The following CUL4A variants were observed in gnomAD, a reference collection of about 807,000 sequenced individuals.
CUL4A encodes the protein cullin 4A, also known as cullin-4A.
CUL4A carries 16 observed loss-of-function variants against 95.5 expected under a neutral mutation model. The ratio of observed to expected loss-of-function variants is 0.17; its 90% CI spans 0.11 to 0.25. The LOEUF (loss-of-function observed/expected upper bound fraction) is 0.25, where lower values mean the gene tolerates loss of function less well. CUL4A is among the 10% of genes least tolerant of loss of function. The pLI is 1.00. For synonymous variants in CUL4A, 380 were observed against 353.1 expected, an observed-to-expected ratio of 1.08 and a Z score of -0.85; for missense variants, 610 against 937.0, an observed-to-expected ratio of 0.65 and a Z score of 4.56.
rs2042382915 is a variant in CUL4A, at chr13:113,265,508, C to G, written c.*1926C>G. 6.6e-6 allele frequency: 1 copy of G among 152,476 alleles called. No individual in the cohort carries two copies. Among genetic ancestry groups the G allele is most frequent in the South Asian group, 2.1e-4 (1 of 4,836 alleles). 9.4% of individuals were successfully genotyped at this position (152,476 alleles called of 1,614,324 possible). On this transcript the variant is annotated 3_prime_UTR_variant, in exon 20 of 20. Coordinates refer to ENST00000375440, the MANE Select transcript of CUL4A (RefSeq NM_001008895.4). ...GTTCAAGCAGTTCTCCCACCTCAGT[C>G]TCCCAAGTAGCTGGGATTACAGGCA...
chr13:113,228,058 A>G lies in CUL4A; in HGVS notation c.438+13A>G. On this transcript the variant is annotated intron_variant, in intron 4 of 19. Transcript: ENST00000375440. Reference sequence around the variant, plus strand: ...CTGCAGACAAATGGTAAGCTTGTTCACTTTTTCATCAAAACACGACCTCAT... The same window carrying G: ...CTGCAGACAAATGGTAAGCTTGTTCGCTTTTTCATCAAAACACGACCTCAT... The G allele has an allele frequency of 1.9e-6, 3 of 1,605,390 alleles. No individual in the cohort carries two copies. The highest frequency in any genetic ancestry group is 2.6e-6 in the Non-Finnish European group (3 of 1,172,308).
chr13:113,255,207 G>C lies in CUL4A; in HGVS notation c.2031+82G>C, dbSNP rs2042090588. ...TTTGTAGTAATGTTTTTGGCTGTTA[G>C]AGGCCTGAAGCACATTTCTACAATA... On this transcript the variant is annotated intron_variant, in intron 18 of 19. Transcript: ENST00000375440. The C allele has an allele frequency of 4.1e-6, 4 of 986,144 alleles. No individual in the cohort carries two copies. The East Asian group carries it at 9.9e-5, about 24-fold the overall frequency. The allele number at this position is 986,144 out of a possible 1,614,324, so 61.1% of individuals were successfully genotyped here.
intron 3 of CUL4A, 24 bp from the exon 4 acceptor site, chr13:113,227,952 A>G (rs1395919071): frequency 6.7e-7 from 1 of 1,495,584 alleles, no homozygotes; most frequent in Admixed American, 1.9e-5. Flanking sequence ...AGCATTTTTA[A>G]AGTTTTCCTT....
rs1176782179 is a variant in CUL4A, at chr13:113,245,145, T to C, written c.1445-7T>C. 6.2e-7 allele frequency: 1 copy of C among 1,614,150 alleles called. No individual in the cohort carries two copies. Among genetic ancestry groups the C allele is most frequent in the Non-Finnish European group, 8.5e-7 (1 of 1,179,962 alleles). ...CCCGATCTCACTCCCTCCTTTGCTG[T>C]GTCCAGAGTGCGGTGCAGCCTTCAC... On this transcript the variant is annotated splice_polypyrimidine_tract_variant and splice_region_variant and intron_variant, in intron 13 of 19. Transcript: ENST00000375440.
rs1401784052 is a variant in CUL4A at position 113,242,948 on chromosome 13, G to T, written c.1036-20G>T. On this transcript the variant is annotated intron_variant, in intron 10 of 19. Transcript: ENST00000375440. The stretch of plus-strand genomic sequence containing the variant: ...CTATTGTAAACATGTTGCTGAGTTG[G>T]TATTGATTTGCTTTTGTAGACTTTT... 2 of 1,589,440 alleles carry T rather than the reference G, an allele frequency of 1.3e-6. No homozygotes were observed. Among genetic ancestry groups the T allele is most frequent in the East Asian group, 2.3e-5 (1 of 44,396 alleles).
intron 3 of CUL4A, among the ~76,000 whole-genome samples, chr13:113,220,446 G>A (rs1420500634): frequency 7.2e-5 from 11 of 152,192 alleles, no homozygotes; most frequent in Admixed American, 2.0e-4. Context: ...CTCAGGAGGC[G>A]CCTGTGAGGG....
At chr13:113,263,350 T>G in intron 19 of CUL4A, 137 bp from the exon 20 acceptor site, 1 of 375,420 alleles carries the variant, frequency 2.7e-6, no homozygotes, top group Non-Finnish European at 4.8e-6. Context: ...TAATTATAAA[T>G]GATTTTCATA....
At chr13:113,229,032 G>A (rs2041212748) in intron 4 of CUL4A, among the ~76,000 whole-genome samples, 1 of 152,086 alleles carries the variant, frequency 6.6e-6, no homozygotes, top group Admixed American at 6.5e-5. Context: ...GGAGGCTGAG[G>A]CAGGAGAATG....
upstream of CUL4A, chr13:113,208,644 G>T (rs2040151802): frequency 1.2e-6 from 2 of 1,605,116 alleles, no homozygotes; most frequent in African/African-American, 1.3e-5. Flanking sequence ...TGGGAGCGCC[G>T]CCGAACGGAG....
At chr13:113,216,063 A>G (rs1384992407) in intron 2 of CUL4A, among the ~76,000 whole-genome samples, 2 of 137,360 alleles carry the variant, frequency 1.5e-5, no homozygotes, top group African/African-American at 5.7e-5. Context: ...GTGGCTGTGG[A>G]GGTCTTTGTG....
intron 19 of CUL4A, 82 bp downstream of exon 19, chr13:113,260,841 A>G (rs1333601844): frequency 1.8e-6 from 2 of 1,097,786 alleles, no homozygotes; most frequent in Non-Finnish European, 2.6e-6. Flanking sequence ...GTTCAGTCAT[A>G]TCATTTGACC....
At chr13:113,217,658 T>C (rs2040744731) in intron 2 of CUL4A, among the ~76,000 whole-genome samples, 1 of 152,234 alleles carries the variant, frequency 6.6e-6, no homozygotes, top group Admixed American at 6.5e-5. Flanking sequence ...TTTATAACTT[T>C]AATTTACCTT....
intron 12 of CUL4A, 39 bp downstream of exon 12, chr13:113,244,553 AG>A: frequency 7.1e-7 from 1 of 1,405,282 alleles, no homozygotes; most frequent in South Asian, 1.2e-5. Context: ...CATAATCAAG[AG>A]GTGTAAACAG....
chr13:113,257,408 A>G (rs2139295090), intron 18 of CUL4A, among the ~76,000 whole-genome samples: 1 of 152,208 alleles, frequency 6.6e-6, no homozygotes, highest in East Asian at 1.9e-4. Flanking sequence ...TTTATAAAGA[A>G]GAGAAGTTTA....
chr13:113,241,511 C>CTT (rs10645246), intron 10 of CUL4A, among the ~76,000 whole-genome samples: 18,654 of 119,922 alleles, frequency 0.16, 2,015 homozygotes, highest in South Asian at 0.36. Context: ...CTGTTGGCAT[C>CTT]TTTTTTTTTT....
Position 113,253,096 on chromosome 13 carries a change from G to C in CUL4A, c.1653G>C (p.Gln551His), listed in dbSNP as rs996048946. ...VHLTPEMIKL[Q>H]EVFKAFYLGK... ...ATGCTTAACAGATGATTAAACTTCAGGAAGTATTTAAGGCATTTTATCTTG... is the reference window on the plus strand; with the variant it reads ...ATGCTTAACAGATGATTAAACTTCACGAAGTATTTAAGGCATTTTATCTTG... The change falls in exon 16 of 20, where the codon CAG (glutamine) becomes CAC (histidine). Residue 551 changes from glutamine to histidine, a missense_variant. Transcript: ENST00000375440. 33 of 1,598,306 alleles carry C rather than the reference G, an allele frequency of 2.1e-5. No homozygotes were observed. Among genetic ancestry groups the C allele is most frequent in the Non-Finnish European group, 2.7e-5 (32 of 1,169,832 alleles).
At chr13:113,211,495 C>T (rs530326557) in intron 2 of CUL4A, among the ~76,000 whole-genome samples, 1 of 152,354 alleles carries the variant, frequency 6.6e-6, no homozygotes, top group South Asian at 2.1e-4. Context: ...AGCGATTCTC[C>T]TGCCTCAGCC....
intron 3 of CUL4A, among the ~76,000 whole-genome samples, chr13:113,227,319 G>A (rs2041140597): frequency 6.6e-6 from 1 of 152,178 alleles, no homozygotes; most frequent in African/African-American, 2.4e-5. Context: ...GTCTGGTGGG[G>A]CCCCGCTTCC....
At chr13:113,238,523 AG>A (rs1381475448) in intron 9 of CUL4A, among the ~76,000 whole-genome samples, 2 of 152,226 alleles carry the variant, frequency 1.3e-5, no homozygotes, top group African/African-American at 2.4e-5. Context: ...AATTATTTAA[AG>A]AAAATGGTAA....
Sources: allele counts gnomAD v4.1 joint callset (sites outside exome capture counted in the v4.1 genomes callset), GRCh38; gene constraint gnomAD v4.1.1; transcripts MANE v1.5; gene names NCBI Gene and HGNC (gene_info 2026-07-23, HGNC 2026-07-21).